The following ESRRG variants were observed in gnomAD, a reference collection of about 807,000 sequenced individuals.
The protein encoded by ESRRG is estrogen related receptor gamma.
In ESRRG, 13 loss-of-function variants were observed where a neutral mutation model predicts 44.0. The observed-to-expected ratio is 0.30, with a 90% CI of 0.19 to 0.47. The LOEUF (loss-of-function observed/expected upper bound fraction) is 0.47, where lower values mean the gene tolerates loss of function less well. Ranked by LOEUF, ESRRG falls within the 20% of genes least tolerant of loss-of-function variation. The pLI is 1.00. For synonymous variants in ESRRG, 215 were observed against 214.6 expected (o/e 1.00, Z -0.02); for missense variants, 395 against 580.6 (o/e 0.68, Z 3.29).
chr1:217,076,237 G>A (rs899587895), intron 1 of ESRRG, among the ~76,000 whole-genome samples: 1 of 152,108 alleles, frequency 6.6e-6, no homozygotes, highest in Admixed American at 6.5e-5. Flanking sequence ...ATTCCTGCAT[G>A]CATGCTGTGT....
At chr1:216,872,620 A>T (rs1278387801) in intron 2 of ESRRG, among the ~76,000 whole-genome samples, 1 of 152,024 alleles carries the variant, frequency 6.6e-6, no homozygotes, top group Non-Finnish European at 1.5e-5. Context: ...ATTGTGGGTT[A>T]TTGTATTCTT....
At chr1:216,798,705 G>A (rs1038041989) in intron 2 of ESRRG, among the ~76,000 whole-genome samples, 41 of 152,144 alleles carry the variant, frequency 2.7e-4, no homozygotes, top group African/African-American at 9.9e-4. Flanking sequence ...AGGGATTGTG[G>A]TGATAGAGAA....
chr1:216,779,199 T>A (rs868021872), intron 2 of ESRRG, among the ~76,000 whole-genome samples: 1 of 37,454 alleles, frequency 2.7e-5, no homozygotes, highest in African/African-American at 9.6e-5. Context: ...ATATTTATAT[T>A]TATAAATATA....
intron 1 of ESRRG, among the ~76,000 whole-genome samples, chr1:216,957,514 A>G (rs1054993361): frequency 6.6e-6 from 1 of 152,150 alleles, no homozygotes; most frequent in Non-Finnish European, 1.5e-5. Flanking sequence ...TTGTGGTTGC[A>G]CAGCCCCAAA....
chr1:217,130,853 A>G (rs1014536716), intron 1 of ESRRG, among the ~76,000 whole-genome samples: 2 of 151,940 alleles, frequency 1.3e-5, no homozygotes, highest in Non-Finnish European at 2.9e-5. Context: ...CTGAAAAAGA[A>G]CACATACATT....
At chr1:216,908,420 G>C (rs1335165147) in intron 2 of ESRRG, among the ~76,000 whole-genome samples, 1 of 152,182 alleles carries the variant, frequency 6.6e-6, no homozygotes, top group Admixed American at 6.5e-5. Flanking sequence ...TCTCCTAAGA[G>C]TGGATCACGC....
At chr1:216,944,084 T>C (rs753818397) in intron 1 of ESRRG, among the ~76,000 whole-genome samples, 1 of 152,174 alleles carries the variant, frequency 6.6e-6, no homozygotes, top group African/African-American at 2.4e-5. Flanking sequence ...TCAATTTAGA[T>C]ACAGCTTTTT....
intron 2 of ESRRG, among the ~76,000 whole-genome samples, chr1:216,926,332 A>G (rs1488048152): frequency 6.6e-6 from 1 of 151,932 alleles, no homozygotes; most frequent in African/African-American, 2.4e-5. Flanking sequence ...GAGACAGAGG[A>G]CTTGTTCCCT....
At chr1:216,977,178 A>G (rs2073100761) in intron 1 of ESRRG, among the ~76,000 whole-genome samples, 2 of 152,158 alleles carry the variant, frequency 1.3e-5, no homozygotes, top group South Asian at 4.1e-4. Context: ...TTTTTTTAGC[A>G]TAAATTTCCT....
intron 2 of ESRRG, among the ~76,000 whole-genome samples, chr1:216,910,472 A>G (rs1197057342): frequency 6.6e-6 from 1 of 152,236 alleles, no homozygotes; most frequent in Admixed American, 6.5e-5. Flanking sequence ...AATTAAAGAA[A>G]AATCTGCCAT....
chr1:216,733,248 ATTTT>A (rs55691102), intron 2 of ESRRG, among the ~76,000 whole-genome samples: 1 of 138,914 alleles, frequency 7.2e-6, no homozygotes. Flanking sequence ...GTATAAGGGC[ATTTT>A]TTTTTTTTTT....
chr1:216,827,217 G>T (rs1160462357), intron 2 of ESRRG, among the ~76,000 whole-genome samples: 3 of 152,140 alleles, frequency 2.0e-5, no homozygotes, highest in East Asian at 1.9e-4. Context: ...GTTACTAAAA[G>T]AATTAGTTTA....
At chr1:216,772,112 A>G (rs1373274100) in intron 2 of ESRRG, among the ~76,000 whole-genome samples, 2 of 152,114 alleles carry the variant, frequency 1.3e-5, no homozygotes, top group East Asian at 3.9e-4. Context: ...TAAGCAATAC[A>G]GAGTAGAGGG....
chr1:217,109,782 G>T (rs926389131), intron 1 of ESRRG, among the ~76,000 whole-genome samples: 3 of 152,146 alleles, frequency 2.0e-5, no homozygotes, highest in African/African-American at 7.2e-5. Context: ...GGTGAATGTG[G>T]CAAAGTTACA....
intron 2 of ESRRG, among the ~76,000 whole-genome samples, chr1:216,847,858 T>C (rs867258111): frequency 3.9e-5 from 6 of 152,162 alleles, no homozygotes; most frequent in African/African-American, 1.4e-4. Flanking sequence ...AACTCTCTAG[T>C]GTACAATAAT....
At chr1:216,523,491 TTTTTTTTTTTG>T (rs1295730206) in intron 5 of ESRRG, among the ~76,000 whole-genome samples, 1 of 71,768 alleles carries the variant, frequency 1.4e-5, no homozygotes, top group Non-Finnish European at 3.3e-5. Flanking sequence ...TCAAGCACTG[TTTTTTTTTTTG>T]TTTTTTTTTT....
intron 2 of ESRRG, among the ~76,000 whole-genome samples, chr1:216,861,134 A>C (rs981546729): frequency 6.6e-6 from 1 of 152,048 alleles, no homozygotes; most frequent in African/African-American, 2.4e-5. Context: ...ATGGAATCAT[A>C]AAATTTATTC....
At chr1:216,639,761 ACACAT>A (rs1347748451) in intron 3 of ESRRG, among the ~76,000 whole-genome samples, 1 of 152,196 alleles carries the variant, frequency 6.6e-6, no homozygotes, top group African/African-American at 2.4e-5. Context: ...GATCCTAGAT[ACACAT>A]AATCTTTTGA....
At position 216,588,807 on chromosome 1, in the gene ESRRG, A is replaced by G. The variant is rs553561725; in HGVS notation, c.590-20709T>C. On this transcript the variant is annotated intron_variant, in intron 3 of 6. Transcript: ENST00000408911. Reference sequence around the variant, plus strand: ...ATAGAAAAAGAAGGGAAACAAGGAAAGCAGATAATTGATTCATTGATTCTC... The same window carrying G: ...ATAGAAAAAGAAGGGAAACAAGGAAGGCAGATAATTGATTCATTGATTCTC... 2.1e-4 allele frequency among the ~76,000 whole-genome samples: 32 copies of G among 152,330 alleles called. No individual in the cohort carries two copies. The South Asian group carries it at 6.6e-3, about 32-fold the overall frequency.
Sources: gnomAD v4.1 joint callset for allele counts (sites outside exome capture counted in the v4.1 genomes callset) on GRCh38, gnomAD v4.1.1 for gene constraint, MANE v1.5 for transcripts, NCBI Gene and HGNC (gene_info 2026-07-23, HGNC 2026-07-21) for gene names.